The following COG2 variants were observed in gnomAD, a reference collection of about 807,000 sequenced individuals.
COG2 encodes the protein component of oligomeric golgi complex 2, also known as conserved oligomeric Golgi complex subunit 2.
Under a neutral mutation model 90.6 loss-of-function variants are expected in COG2, and 52 were observed. The observed-to-expected ratio is 0.57, with a 90% confidence interval of 0.46 to 0.72. The LOEUF is 0.72. Among genes scored for constraint, COG2 ranks in the 30% least tolerant of loss-of-function variants. The pLI, the probability that COG2 is intolerant of heterozygous loss-of-function variation, is 0.00. For synonymous variants in COG2, 337 were observed against 320.4 expected, an observed-to-expected ratio of 1.05 and a Z score of -0.55; for missense variants, 829 against 891.2, an observed-to-expected ratio of 0.93 and a Z score of 0.89.
In COG2 at chr1:230,658,424, G is replaced by T. The variant is rs377225281; in HGVS notation, c.73-1040G>T. Among the ~76,000 whole-genome samples, 53 of 152,280 alleles carry T rather than the reference G, an allele frequency of 3.5e-4. 1 individual carries two copies. In the South Asian group the frequency reaches 0.01, roughly 30 times the overall value. ...TTGCTGCCTGTTCTTTCCTCTGGAA[G>T]CTTCGTCCCAGAGGGGCACCTGCCA... On this transcript the variant is annotated intron_variant, in intron 1 of 17. Coordinates refer to ENST00000366669, the MANE Select transcript of COG2 (RefSeq NM_007357.3).
intron 9 of COG2, chr1:230,678,430 GT>G (rs1475862523): frequency 1.8e-5 from 18 of 985,352 alleles, no homozygotes; most frequent in Non-Finnish European, 2.2e-5. Flanking sequence ...ACTCTTAATG[GT>G]TTTGGTACAT....
chr1:230,679,675 G>C (rs1233069946), intron 10 of COG2: 4 of 152,176 alleles, frequency 2.6e-5, no homozygotes, highest in Admixed American at 2.6e-4. Context: ...AAATACTTGG[G>C]GGAAATTTAG....
intron 1 of COG2, among the ~76,000 whole-genome samples, chr1:230,651,457 C>G (rs1362966806): frequency 6.6e-6 from 1 of 152,140 alleles, no homozygotes; most frequent in Non-Finnish European, 1.5e-5. Context: ...ATTAAAGCAG[C>G]TAAACTCTTA....
chr1:230,669,401 C>T lies in COG2; in HGVS notation c.640C>T (p.Leu214Phe), dbSNP rs1337353817. The change falls in exon 7 of 18, where the codon CTC becomes TTC. Residue 214 changes from leucine (L) to phenylalanine (F), a missense_variant. Leu to Phe is a conservative substitution (Grantham distance 22, BLOSUM62 0). Coordinates refer to ENST00000366669, the MANE Select transcript of COG2 (RefSeq NM_007357.3). ...CATGTTACAGCAGTCACTGGAAGGT[C>T]TCCTATTAGAAGGCCTTCAGACGTC... ...TAMLQQSLEG[L>F]LLEGLQTSDV... 6.2e-7 allele frequency: 1 copy of T among 1,614,006 alleles called. No homozygotes were observed. Among genetic ancestry groups the T allele is most frequent in the Admixed American group, 1.7e-5 (1 of 60,016 alleles).
intron 9 of COG2, 135 bp from the exon 10 acceptor site, chr1:230,678,778 G>GT (rs1558276976): frequency 6.5e-7 from 1 of 1,549,196 alleles, no homozygotes; most frequent in Admixed American, 1.9e-5. Flanking sequence ...GAAAGATCTT[G>GT]TAAGTTCCTT....
chr1:230,688,021 C>T, intron 13 of COG2, 50 bp from the exon 14 acceptor site: 1 of 1,319,114 alleles, frequency 7.6e-7, no homozygotes, highest in Non-Finnish European at 1.1e-6. Context: ...TTGCCTCTTC[C>T]TTTGATTTAT....
At chr1:230,679,110 C>T (rs1662670457) in intron 10 of COG2, 58 bp downstream of exon 10, 1 of 1,519,802 alleles carries the variant, frequency 6.6e-7, no homozygotes. Context: ...ATTGGAATGC[C>T]AGTTAAGGAT....
intron 1 of COG2, among the ~76,000 whole-genome samples, chr1:230,644,096 GA>G (rs1158096736): frequency 5.3e-5 from 8 of 152,182 alleles, no homozygotes; most frequent in Non-Finnish European, 1.2e-4. Context: ...TGAGTTGACA[GA>G]ATGCCTTTGG....
intron 1 of COG2, among the ~76,000 whole-genome samples, chr1:230,645,075 A>G (rs1661729611): frequency 6.6e-6 from 1 of 152,064 alleles, no homozygotes; most frequent in African/African-American, 2.4e-5. Context: ...TTTCTACAAA[A>G]TATTGAAAAA....
chr1:230,643,875 T>C (rs936694920), intron 1 of COG2, among the ~76,000 whole-genome samples: 4 of 152,208 alleles, frequency 2.6e-5, no homozygotes, highest in African/African-American at 9.7e-5. Flanking sequence ...GGCTAAGAGC[T>C]ACCCTGAAAT....
intron 1 of COG2, among the ~76,000 whole-genome samples, chr1:230,646,540 G>A (rs1228327741): frequency 2.0e-5 from 3 of 152,116 alleles, no homozygotes; most frequent in Admixed American, 2.0e-4. Context: ...ACTTCATGCA[G>A]CTTCAATGAC....
In COG2 at chr1:230,663,229, C is replaced by A. The variant is rs369923399; in HGVS notation, c.381+8C>A. The A allele has an allele frequency of 4.4e-6, 7 of 1,600,244 alleles. No individual in the cohort carries two copies. The African/African-American group carries it at 8.1e-5, about 18-fold the overall frequency. ...GACATTAGGAAAAAAAAGGTATACT[C>A]AAATATTACAATATTAAATCGTTGA... On this transcript the variant is annotated splice_region_variant and intron_variant, in intron 4 of 17. Coordinates refer to ENST00000366669, the MANE Select transcript of COG2 (RefSeq NM_007357.3).
At chr1:230,672,102 A>G (rs1180850645) in intron 8 of COG2, among the ~76,000 whole-genome samples, 1 of 152,118 alleles carries the variant, frequency 6.6e-6, no homozygotes, top group Non-Finnish European at 1.5e-5. Context: ...ACTTTTCACC[A>G]TTGCCATTGT....
chr1:230,679,360 A>G, intron 10 of COG2: 1 of 220,296 alleles, frequency 4.5e-6, no homozygotes, highest in Non-Finnish European at 8.9e-6. Flanking sequence ...GAAAAGAGAA[A>G]GTAGGAGTTA....
intron 9 of COG2, among the ~76,000 whole-genome samples, chr1:230,675,698 A>AGT (rs1662573077): frequency 6.6e-6 from 1 of 152,130 alleles, no homozygotes; most frequent in Non-Finnish European, 1.5e-5. Context: ...GGTGGAGTGC[A>AGT]GTGGCACAAT....
chr1:230,659,267 G>A (rs1264473247), intron 1 of COG2, among the ~76,000 whole-genome samples, 197 bp from the exon 2 acceptor site: 2 of 152,128 alleles, frequency 1.3e-5, no homozygotes, highest in East Asian at 3.8e-4. Flanking sequence ...TCAGTCAGGG[G>A]CCACCCTTCT....
chr1:230,679,546 T>C (rs1404879265), intron 10 of COG2: 2 of 152,364 alleles, frequency 1.3e-5, no homozygotes, highest in Non-Finnish European at 1.5e-5. Flanking sequence ...AGAAGCCTGG[T>C]CATTATTTCA....
At position 230,659,495 on chromosome 1, in the gene COG2, A is replaced by G. The variant is rs1170391321; in HGVS notation, c.104A>G (p.Asp35Gly). The change falls in exon 2 of 18, where the codon GAC becomes GGC. Residue 35 changes from aspartate to glycine, a missense_variant. Asp to Gly is a moderately conservative substitution (Grantham distance 94, BLOSUM62 -1). Transcript: ENST00000366669. Reference sequence around the variant, plus strand: ...TTCGATGTCGATCATTTTGTGTCTGACTGTAGGAAGCGGGTCCAGCTGGAA... The same window carrying G: ...TTCGATGTCGATCATTTTGTGTCTGGCTGTAGGAAGCGGGTCCAGCTGGAA... ...EDFDVDHFVSDCRKRVQLEEL... is the reference protein window; with the variant it reads ...EDFDVDHFVSGCRKRVQLEEL... 2.5e-6 allele frequency: 4 copies of G among 1,613,680 alleles called. No homozygotes were observed. The African/African-American group carries it at 4.0e-5, about 16-fold the overall frequency.
Position 230,686,882 on chromosome 1 carries a change from G to T in COG2, c.1381-53G>T. 3.4e-6 allele frequency: 4 copies of T among 1,161,274 alleles called. No individual in the cohort carries two copies. The South Asian group carries it at 7.2e-5, about 21-fold the overall frequency. 71.9% of individuals were successfully genotyped at this position (1,161,274 alleles called of 1,614,324 possible). On this transcript the variant is annotated intron_variant, in intron 12 of 17. Coordinates refer to ENST00000366669, the MANE Select transcript of COG2 (RefSeq NM_007357.3). ...ACGCGCACATATGTAATATATAAAT[G>T]CTCATGTATCTTGCTAGTGTGAAAG...
Sources: allele counts gnomAD v4.1 joint callset (sites outside exome capture counted in the v4.1 genomes callset), GRCh38; gene constraint gnomAD v4.1.1; transcripts MANE v1.5; gene names NCBI Gene and HGNC (gene_info 2026-07-23, HGNC 2026-07-21).